Variants in LRRC28 observed in about 807,000 individuals in gnomAD.
LRRC28 encodes leucine-rich repeat-containing protein 28.
LRRC28 carries 39 observed loss-of-function variants against 45.7 expected under a neutral mutation model. The observed-to-expected ratio is 0.85, with a 90% CI of 0.66 to 1.12. The LOEUF (loss-of-function observed/expected upper bound fraction) is 1.12, where lower values mean the gene tolerates loss of function less well. Ranked by LOEUF, LRRC28 falls within the 50% of genes most tolerant of loss-of-function variation. The pLI is 0.00. For synonymous variants in LRRC28, 206 were observed against 178.8 expected, an observed-to-expected ratio of 1.15 and a Z score of -1.22; for missense variants, 435 against 438.5, an observed-to-expected ratio of 0.99 and a Z score of 0.07.
At position 99,325,956 on chromosome 15, in the gene LRRC28, A is replaced by C. The variant is rs191120353; in HGVS notation, c.386-7967A>C. Among the ~76,000 whole-genome samples the C allele has an allele frequency of 8.5e-5, 13 of 152,314 alleles. No individual in the cohort carries two copies. In the East Asian group the frequency reaches 1.4e-3, roughly 16 times the overall value. ...GATTGGAAGGGGTGAGAATAGAAGA[A>C]GACGACCAATGGGAAGGCTTGTTGG... is the stretch of plus-strand genomic sequence containing the variant. On this transcript the variant is annotated intron_variant, in intron 5 of 9. Transcript: ENST00000301981.
At chr15:99,376,582 C>T (rs1239832649) in intron 9 of LRRC28, among the ~76,000 whole-genome samples, 5 of 152,030 alleles carry the variant, frequency 3.3e-5, no homozygotes, top group African/African-American at 4.8e-5. Context: ...ATGTGCACAA[C>T]GTGCAGGTTT....
chr15:99,296,257 G>T (rs1179566765), intron 5 of LRRC28, among the ~76,000 whole-genome samples: 1 of 152,194 alleles, frequency 6.6e-6, no homozygotes, highest in African/African-American at 2.4e-5. Flanking sequence ...GTGACAGGTG[G>T]CCCAGGAACA....
intron 7 of LRRC28, among the ~76,000 whole-genome samples, chr15:99,360,166 G>A (rs1193056982): frequency 6.6e-6 from 1 of 152,052 alleles, no homozygotes; most frequent in Non-Finnish European, 1.5e-5. Context: ...TCCATACCCT[G>A]CATCCCTGTT....
At chr15:99,363,439 A>G in intron 9 of LRRC28, 174 bp downstream of exon 9, 1 of 639,910 alleles carries the variant, frequency 1.6e-6, no homozygotes, top group East Asian at 3.0e-5. Flanking sequence ...AGAAAACTGG[A>G]CTTGCCTTTA....
intron 6 of LRRC28, among the ~76,000 whole-genome samples, chr15:99,348,154 T>G (rs1222421938): frequency 6.6e-6 from 1 of 152,222 alleles, no homozygotes; most frequent in Non-Finnish European, 1.5e-5. Context: ...TAAGAGTTCT[T>G]TATAAATTTT....
intron 1 of LRRC28, among the ~76,000 whole-genome samples, chr15:99,253,408 A>T (rs2080923564): frequency 6.6e-6 from 1 of 152,192 alleles, no homozygotes; most frequent in African/African-American, 2.4e-5. Flanking sequence ...GGCGTGAGCC[A>T]CTGCGCCCGG....
chr15:99,288,482 A>G (rs2082021126), intron 5 of LRRC28, among the ~76,000 whole-genome samples: 3 of 148,022 alleles, frequency 2.0e-5, no homozygotes, highest in Admixed American at 6.9e-5. Context: ...CCCAGGTTCA[A>G]GCGATTCTCC....
intron 5 of LRRC28, among the ~76,000 whole-genome samples, chr15:99,331,597 A>G (rs965585609): frequency 1.3e-5 from 2 of 152,084 alleles, no homozygotes; most frequent in African/African-American, 4.8e-5. Flanking sequence ...TTCATCCTTT[A>G]AGAATCTTCG....
rs890295114 is a variant in LRRC28, at chr15:99,388,872, A to G, written c.*2770A>G. Reference sequence around the variant, plus strand: ...AAGTCCAGGATAGCCTCATGAGCATAGGCCTTCCTATGAAGTAGTGCAAAG... The same window carrying G: ...AAGTCCAGGATAGCCTCATGAGCATGGGCCTTCCTATGAAGTAGTGCAAAG... On this transcript the variant is annotated 3_prime_UTR_variant, in exon 10 of 10. Coordinates refer to ENST00000301981, the MANE Select transcript of LRRC28 (RefSeq NM_144598.5). 6 of 152,194 alleles carry G rather than the reference A, an allele frequency of 3.9e-5. No individual in the cohort carries two copies. The highest frequency in any genetic ancestry group is 1.4e-4 in the African/African-American group (6 of 41,442). 9.4% of individuals were successfully genotyped at this position (152,194 alleles called of 1,614,324 possible). A position where few individuals can be genotyped will look rare whatever the true frequency, so the allele number is the denominator to read the frequency against.
Position 99,361,525 on chromosome 15 carries a change from C to A in LRRC28, c.871+14C>A. Reference sequence around the variant, plus strand: ...GCTTGCTGAAAGGTACGTGGGACTTCTGGTTTTCTTATTTTTCTCTCTCAT... The same window carrying A: ...GCTTGCTGAAAGGTACGTGGGACTTATGGTTTTCTTATTTTTCTCTCTCAT... On this transcript the variant is annotated intron_variant, in intron 8 of 9. Coordinates refer to ENST00000301981, the MANE Select transcript of LRRC28 (RefSeq NM_144598.5). 2 of 1,562,598 alleles carry A rather than the reference C, an allele frequency of 1.3e-6. No homozygotes were observed. The highest frequency in any genetic ancestry group is 1.7e-6 in the Non-Finnish European group (2 of 1,156,292).
At chr15:99,370,973 T>A (rs1004805936) in intron 9 of LRRC28, among the ~76,000 whole-genome samples, 1 of 152,160 alleles carries the variant, frequency 6.6e-6, no homozygotes, top group Non-Finnish European at 1.5e-5. Context: ...AAAACATTAG[T>A]ATGCCAAGTG....
intron 3 of LRRC28, among the ~76,000 whole-genome samples, chr15:99,279,206 A>G (rs2081709157): frequency 6.6e-6 from 1 of 152,186 alleles, no homozygotes; most frequent in South Asian, 2.1e-4. Flanking sequence ...TTCAAGGTTT[A>G]TTCATGTTGT....
At chr15:99,256,902 A>G (rs1031541756) in intron 2 of LRRC28, among the ~76,000 whole-genome samples, 6 of 152,152 alleles carry the variant, frequency 3.9e-5, no homozygotes, top group Non-Finnish European at 8.8e-5. Context: ...TCTGGTTATC[A>G]CTTAACCTTA....
intron 5 of LRRC28, among the ~76,000 whole-genome samples, chr15:99,312,454 C>T (rs932873419): frequency 2.6e-5 from 4 of 152,194 alleles, no homozygotes; most frequent in African/African-American, 9.7e-5. Context: ...GAGCTGTCAT[C>T]GCCTATGATA....
chr15:99,352,242 C>A, intron 6 of LRRC28, 127 bp from the exon 7 acceptor site: 2 of 678,032 alleles, frequency 2.9e-6, no homozygotes, highest in Non-Finnish European at 2.4e-6. Flanking sequence ...CTTTATATAA[C>A]ACTTTTTATG....
chr15:99,257,114 TGG>T (rs773819244), intron 2 of LRRC28, among the ~76,000 whole-genome samples: 2 of 152,218 alleles, frequency 1.3e-5, no homozygotes, highest in Non-Finnish European at 2.9e-5. Context: ...ATGCCTATAG[TGG>T]GTAGAAAGCA....
chr15:99,375,073 C>T (rs1957589140), intron 9 of LRRC28, among the ~76,000 whole-genome samples: 1 of 152,110 alleles, frequency 6.6e-6, no homozygotes, highest in African/African-American at 2.4e-5. Context: ...TAATTTTAAT[C>T]TGTTAAGTAT....
rs893745782 is a variant in LRRC28 at position 99,268,854 on chromosome 15, A to T, written c.169-7722A>T. Among the ~76,000 whole-genome samples the T allele has an allele frequency of 6.6e-5, 10 of 152,324 alleles. No individual in the cohort carries two copies. In the South Asian group the frequency reaches 1.4e-3, roughly 22 times the overall value. On this transcript the variant is annotated intron_variant, in intron 2 of 9. Transcript: ENST00000301981. ...GCATGTTTATTAAATAGGTTTTTTT[A>T]AAAATAAAAAGCTGGAGAAGACACT...
chr15:99,252,486 T>A (rs1403612598), intron 1 of LRRC28, among the ~76,000 whole-genome samples: 1 of 152,216 alleles, frequency 6.6e-6, no homozygotes, highest in Non-Finnish European at 1.5e-5. Context: ...TGAATCTTCC[T>A]TCAGTGAGTG....
Sources: allele counts gnomAD v4.1 joint callset (sites outside exome capture counted in the v4.1 genomes callset), GRCh38; gene constraint gnomAD v4.1.1; transcripts MANE v1.5; gene names NCBI Gene and HGNC (gene_info 2026-07-23, HGNC 2026-07-21).